NPSR1: variants seen among roughly 807,000 people sequenced by gnomAD.
NPSR1 encodes neuropeptide S receptor.
Under a neutral mutation model 46.9 loss-of-function variants are expected in NPSR1, and 48 were observed. The observed-to-expected ratio is 1.02, with a 90% CI of 0.81 to 1.30. NPSR1 has a LOEUF of 1.30. Among genes scored for constraint, NPSR1 ranks in the 50% most tolerant of loss-of-function variants. The pLI is 0.00. For missense variants in NPSR1, 450 were observed against 449.5 expected (o/e 1.00, Z -0.01); for synonymous variants, 176 against 168.1 (o/e 1.05, Z -0.36).
At chr7:34,805,380 A>G (rs1411122892) in intron 3 of NPSR1, among the ~76,000 whole-genome samples, 1 of 151,432 alleles carries the variant, frequency 6.6e-6, no homozygotes, top group Non-Finnish European at 1.5e-5. Flanking sequence ...ACATACAAAA[A>G]GATAGTCAAC....
chr7:34,673,325 T>G (rs1027317303), intron 1 of NPSR1, among the ~76,000 whole-genome samples: 1 of 152,186 alleles, frequency 6.6e-6, no homozygotes, highest in African/African-American at 2.4e-5. Flanking sequence ...TCAGAAATGT[T>G]TATGGAATTT....
chr7:34,869,491 C>T (rs1196464677), intron 8 of NPSR1, among the ~76,000 whole-genome samples: 2 of 151,630 alleles, frequency 1.3e-5, no homozygotes, highest in Non-Finnish European at 2.9e-5. Flanking sequence ...CCAGTGTCAC[C>T]TCACTGTACT....
At chr7:34,823,076 A>T (rs1023412779) in intron 4 of NPSR1, among the ~76,000 whole-genome samples, 1 of 152,186 alleles carries the variant, frequency 6.6e-6, no homozygotes, top group Non-Finnish European at 1.5e-5. Flanking sequence ...AAGGGCATGA[A>T]CAGACTAACA....
At chr7:34,806,233 C>T (rs1436543981) in intron 3 of NPSR1, among the ~76,000 whole-genome samples, 1 of 152,020 alleles carries the variant, frequency 6.6e-6, no homozygotes, top group East Asian at 1.9e-4. Context: ...TTTATTGTAG[C>T]TTTATTCATA....
rs972928013 is a variant in NPSR1, at chr7:34,849,824, G to A, written c.*169G>A. On this transcript the variant is annotated 3_prime_UTR_variant, in exon 9 of 9. Coordinates refer to ENST00000360581, the MANE Select transcript of NPSR1 (RefSeq NM_207172.2). ...TGACTGCATGCACTGCTTAAGTATT[G>A]GCCAACACGAACTCCCCAGTTATTC... 3 of 1,395,594 alleles carry A rather than the reference G, an allele frequency of 2.1e-6. No homozygotes were observed. The East Asian group carries it at 7.9e-5, about 37-fold the overall frequency. The allele number at this position is 1,395,594 out of a possible 1,614,324, so 86.5% of individuals were successfully genotyped here.
intron 2 of NPSR1, among the ~76,000 whole-genome samples, chr7:34,771,723 G>A (rs535226853): frequency 3.3e-4 from 50 of 152,222 alleles, no homozygotes; most frequent in African/African-American, 1.0e-3. Flanking sequence ...TCTATAGTAT[G>A]GGTTAAAGCC....
chr7:34,839,231 G>T (rs73693327), intron 6 of NPSR1, among the ~76,000 whole-genome samples: 6 of 152,108 alleles, frequency 3.9e-5, no homozygotes, highest in Admixed American at 6.5e-5. Context: ...GGATAGTAAG[G>T]TTCAATATCA....
intron 1 of NPSR1, among the ~76,000 whole-genome samples, chr7:34,673,524 T>G (rs1792163185): frequency 6.6e-6 from 1 of 152,134 alleles, no homozygotes; most frequent in South Asian, 2.1e-4. Flanking sequence ...TCACAACTAC[T>G]TGGAACAATC....
intron 2 of NPSR1, among the ~76,000 whole-genome samples, chr7:34,710,126 G>A (rs1245869929): frequency 1.3e-5 from 2 of 152,284 alleles, no homozygotes; most frequent in East Asian, 1.9e-4. Context: ...TAGCTTCCAC[G>A]ATTTTCAATC....
rs1049793981 is a variant in NPSR1 at position 34,744,652 on chromosome 7, C to T, written c.281-33810C>T. On this transcript the variant is annotated intron_variant, in intron 2 of 8. Coordinates refer to ENST00000360581, the MANE Select transcript of NPSR1 (RefSeq NM_207172.2). The stretch of plus-strand genomic sequence containing the variant: ...GTTGTCCCATTGGGAATCCCTCATC[C>T]CCAAGGCCTTCTGCTCATGATGAAT... Among the ~76,000 whole-genome samples the T allele has an allele frequency of 4.6e-5, 7 of 152,148 alleles. 1 individual carries two copies. Among genetic ancestry groups the T allele is most frequent in the African/African-American group, 1.7e-4 (7 of 41,418 alleles).
At chr7:34,791,166 GT>G (rs1787843592) in intron 3 of NPSR1, among the ~76,000 whole-genome samples, 1 of 97,098 alleles carries the variant, frequency 1.0e-5, no homozygotes. Context: ...TATTATATAT[GT>G]TATATATTAT....
chr7:34,727,184 T>C (rs1377202599), intron 2 of NPSR1, among the ~76,000 whole-genome samples: 1 of 151,976 alleles, frequency 6.6e-6, no homozygotes, highest in African/African-American at 2.4e-5. Context: ...CTCTGAAAAA[T>C]AAGGTGTTTT....
chr7:34,729,858 C>T (rs755916450), intron 2 of NPSR1, among the ~76,000 whole-genome samples: 23 of 152,204 alleles, frequency 1.5e-4, no homozygotes, highest in Non-Finnish European at 2.4e-4. Context: ...CTGCAACCTC[C>T]GCCTCCCCAG....
At chr7:34,845,023 G>A (rs563131781) in intron 7 of NPSR1, 41 bp downstream of exon 7, 51 of 1,422,570 alleles carry the variant, frequency 3.6e-5, no homozygotes, top group East Asian at 3.4e-4. Context: ...TGGTATGAAC[G>A]TCCCAAAAGC....
chr7:34,799,683 A>G, intron 3 of NPSR1, among the ~76,000 whole-genome samples: 1 of 145,116 alleles, frequency 6.9e-6, no homozygotes, highest in Admixed American at 7.1e-5. Flanking sequence ...ACCAGCTAAC[A>G]TCATAATGAC....
At chr7:34,849,437 T>C (rs750856004) in intron 8 of NPSR1, 128 bp from the exon 9 acceptor site, 11 of 1,590,994 alleles carry the variant, frequency 6.9e-6, no homozygotes, top group South Asian at 1.1e-5. Context: ...GGGTATTACA[T>C]GTAAAGTGCC....
intron 2 of NPSR1, among the ~76,000 whole-genome samples, chr7:34,733,882 C>T (rs1395550769): frequency 6.6e-6 from 1 of 152,092 alleles, no homozygotes; most frequent in African/African-American, 2.4e-5. Flanking sequence ...CCGAGGACTA[C>T]TTTGGTACTG....
chr7:34,727,455 T>C (rs1210730381), intron 2 of NPSR1, among the ~76,000 whole-genome samples: 2 of 152,234 alleles, frequency 1.3e-5, no homozygotes, highest in Non-Finnish European at 2.9e-5. Context: ...ACATTTAACG[T>C]AACTCTAGTT....
Position 34,849,561 on chromosome 7 carries a change from C to T in NPSR1, c.1026-4C>T. ...CCTCCCTGCTTTATTTTGACTTTCTCCAGGGAGCAAAGATCACAGGATTCC... is the reference window on the plus strand; with the variant it reads ...CCTCCCTGCTTTATTTTGACTTTCTTCAGGGAGCAAAGATCACAGGATTCC... On this transcript the variant is annotated splice_polypyrimidine_tract_variant and splice_region_variant and intron_variant, in intron 8 of 8. Coordinates refer to ENST00000360581, the MANE Select transcript of NPSR1 (RefSeq NM_207172.2). 6.2e-7 allele frequency: 1 copy of T among 1,613,922 alleles called. No homozygotes were observed.
Sources: gnomAD v4.1 joint callset for allele counts (sites outside exome capture counted in the v4.1 genomes callset) on GRCh38, gnomAD v4.1.1 for gene constraint, MANE v1.5 for transcripts, NCBI Gene and HGNC (gene_info 2026-07-23, HGNC 2026-07-21) for gene names.